SOS2: variants seen among roughly 807,000 people sequenced by gnomAD.
The protein encoded by SOS2 is son of sevenless homolog 2.
In SOS2, 65 loss-of-function variants were observed where a neutral mutation model predicts 148.2. The ratio of observed to expected loss-of-function variants is 0.44; its 90% CI spans 0.36 to 0.54. SOS2 has a LOEUF of 0.54. Ranked by LOEUF, SOS2 falls within the 20% of genes least tolerant of loss-of-function variation. The pLI, the probability that SOS2 is intolerant of heterozygous loss-of-function variation, is 0.00. For missense variants in SOS2, 1,341 were observed against 1,590.2 expected (o/e 0.84, Z 2.67); for synonymous variants, 539 against 537.1 (o/e 1.00, Z -0.05).
chr14:50,185,767 T>G (rs1885888571), intron 5 of SOS2, among the ~76,000 whole-genome samples: 1 of 151,928 alleles, frequency 6.6e-6, no homozygotes, highest in Non-Finnish European at 1.5e-5. Flanking sequence ...TGACCCTGGC[T>G]TAGGAATGAA....
chr14:50,196,448 T>C (rs1019111746), intron 4 of SOS2, among the ~76,000 whole-genome samples: 2 of 152,154 alleles, frequency 1.3e-5, no homozygotes, highest in African/African-American at 4.8e-5. Context: ...CTTTTAATTG[T>C]TGTAAAATAT....
At chr14:50,180,930 T>C (rs1345697101) in intron 6 of SOS2, among the ~76,000 whole-genome samples, 2 of 151,818 alleles carry the variant, frequency 1.3e-5, no homozygotes, top group East Asian at 1.9e-4. Context: ...TAATGGGATA[T>C]CTGCAGAACC....
At chr14:50,214,744 C>G (rs1024352081) in intron 1 of SOS2, among the ~76,000 whole-genome samples, 3 of 149,926 alleles carry the variant, frequency 2.0e-5, no homozygotes, top group Non-Finnish European at 3.0e-5. Flanking sequence ...TGAGGCCTAC[C>G]TAAATTGCTC....
intron 7 of SOS2, among the ~76,000 whole-genome samples, chr14:50,178,746 T>TA (rs1555371336): frequency 3.7e-4 from 49 of 131,700 alleles, no homozygotes; most frequent in African/African-American, 8.9e-4. Flanking sequence ...ATATATATAT[T>TA]TTTTGGAGAC....
chr14:50,227,670 G>GC (rs745770037), intron 1 of SOS2, among the ~76,000 whole-genome samples: 1 of 152,122 alleles, frequency 6.6e-6, no homozygotes, highest in Non-Finnish European at 1.5e-5. Flanking sequence ...CAGGTAATCT[G>GC]CCCGCCTTGG....
intron 5 of SOS2, among the ~76,000 whole-genome samples, chr14:50,188,205 C>T (rs1035837428): frequency 2.0e-5 from 3 of 152,068 alleles, no homozygotes; most frequent in African/African-American, 7.2e-5. Flanking sequence ...CAGTTTGAGA[C>T]CAGCCTGGCC....
intron 8 of SOS2, among the ~76,000 whole-genome samples, chr14:50,168,804 T>A (rs117241111): frequency 0.02 from 3,120 of 152,266 alleles, 75 homozygotes; most frequent in Non-Finnish European, 0.026. Context: ...TTACATCCCT[T>A]TAGTAGTAGA....
At chr14:50,176,605 A>G (rs1258803461) in intron 7 of SOS2, among the ~76,000 whole-genome samples, 1 of 152,248 alleles carries the variant, frequency 6.6e-6, no homozygotes, top group Non-Finnish European at 1.5e-5. Context: ...TTATATATAC[A>G]TTACCATTTA....
At chr14:50,209,321 G>GTGTGTGTGTGTGTGTGTGTGTC (rs1179515891) in intron 1 of SOS2, among the ~76,000 whole-genome samples, 19 of 141,762 alleles carry the variant, frequency 1.3e-4, no homozygotes, top group Non-Finnish European at 2.4e-4. Flanking sequence ...GTGTGTGTGT[G>GTGTGTGTGTGTGTGTGTGTGTC]TCTCCTATTG....
At chr14:50,182,708 A>T in intron 5 of SOS2, 102 bp from the exon 6 acceptor site, 1 of 844,794 alleles carries the variant, frequency 1.2e-6, no homozygotes, top group Non-Finnish European at 1.8e-6. Context: ...CAGACTGCCT[A>T]TGGAATAGCC....
chr14:50,133,157 G>C (rs1405120479), intron 19 of SOS2, among the ~76,000 whole-genome samples: 1 of 147,812 alleles, frequency 6.8e-6, no homozygotes, highest in East Asian at 2.0e-4. Context: ...GGGAAATAAA[G>C]TTTATGTTTT....
At chr14:50,226,430 C>T (rs1010314589) in intron 1 of SOS2, among the ~76,000 whole-genome samples, 2 of 152,318 alleles carry the variant, frequency 1.3e-5, no homozygotes, top group African/African-American at 4.8e-5. Flanking sequence ...AAACAAACTT[C>T]CAAGAGACAT....
At chr14:50,150,311 C>G in intron 13 of SOS2, 81 bp from the exon 14 acceptor site, 1 of 997,552 alleles carries the variant, frequency 1.0e-6, no homozygotes, top group Non-Finnish European at 1.6e-6. Context: ...TTAACTTTCA[C>G]CCAGCCTCAA....
At chr14:50,129,758 C>A (rs929743204) in intron 21 of SOS2, among the ~76,000 whole-genome samples, 3 of 152,190 alleles carry the variant, frequency 2.0e-5, no homozygotes, top group African/African-American at 7.2e-5. Context: ...CAAGGCCATA[C>A]AGCCCTTAGA....
intron 1 of SOS2, among the ~76,000 whole-genome samples, chr14:50,216,253 C>T (rs1410944948): frequency 1.3e-5 from 2 of 151,748 alleles, no homozygotes; most frequent in Non-Finnish European, 2.9e-5. Flanking sequence ...TGCACCATCA[C>T]GCCCAGCTAA....
rs1883359439 is a variant in SOS2 at position 50,118,269 on chromosome 14, T to C, written c.*75A>G. On this transcript the variant is annotated 3_prime_UTR_variant, in exon 23 of 23. Coordinates refer to ENST00000216373, the MANE Select transcript of SOS2 (RefSeq NM_006939.4). ...ATTTGTAAAAAGTACTAAAATACTA[T>C]GTCTTTTTTTGAATAAATTAAAAAA... is the stretch of plus-strand genomic sequence containing the variant. 3 of 1,207,700 alleles carry C rather than the reference T, an allele frequency of 2.5e-6. No individual in the cohort carries two copies. The highest frequency in any genetic ancestry group is 3.5e-6 in the Non-Finnish European group (3 of 858,330). 74.8% of individuals were successfully genotyped at this position (1,207,700 alleles called of 1,614,324 possible). A position where few individuals can be genotyped will look rare whatever the true frequency, so the allele number is the denominator to read the frequency against.
At chr14:50,201,308 G>GGATCACTTGA (rs1257085589) in intron 2 of SOS2, among the ~76,000 whole-genome samples, 2 of 152,016 alleles carry the variant, frequency 1.3e-5, no homozygotes, top group Admixed American at 6.6e-5. Context: ...TGAGGCAGGT[G>GGATCACTTGA]GATCACTTGA....
chr14:50,150,393 T>C (rs1454747349), intron 13 of SOS2, among the ~76,000 whole-genome samples, 163 bp from the exon 14 acceptor site: 4 of 152,190 alleles, frequency 2.6e-5, no homozygotes, highest in Admixed American at 1.3e-4. Context: ...TCCTAGGTTA[T>C]TCTGAAACAA....
intron 13 of SOS2, among the ~76,000 whole-genome samples, chr14:50,151,102 G>T (rs926786069): frequency 1.3e-5 from 2 of 152,132 alleles, no homozygotes; most frequent in African/African-American, 4.8e-5. Context: ...CAAGTGATCT[G>T]CCTGCCTTGG....
Sources: allele counts gnomAD v4.1 joint callset (sites outside exome capture counted in the v4.1 genomes callset), GRCh38; gene constraint gnomAD v4.1.1; transcripts MANE v1.5; gene names NCBI Gene and HGNC (gene_info 2026-07-23, HGNC 2026-07-21).